Variants in LEPR observed in about 807,000 individuals in gnomAD.
LEPR encodes OB receptor.
A neutral mutation model predicts 114.7 loss-of-function variants in LEPR; 56 were observed. The observed-to-expected ratio is 0.49, with a 90% CI of 0.39 to 0.61. The LOEUF (loss-of-function observed/expected upper bound fraction) is 0.61, where lower values mean the gene tolerates loss of function less well. Among genes scored for constraint, LEPR ranks in the 20% least tolerant of loss-of-function variants. The probability of loss-of-function intolerance (pLI) is 0.00; values close to 1 mark genes in which losing one functional copy is unlikely to be tolerated. For synonymous variants in LEPR, 443 were observed against 461.4 expected (o/e 0.96, Z 0.51); for missense variants, 1,202 against 1,352.9 (o/e 0.89, Z 1.75).
intron 2 of LEPR, among the ~76,000 whole-genome samples, chr1:65,521,316 T>C (rs1649624325): frequency 6.6e-6 from 1 of 152,238 alleles, no homozygotes; most frequent in African/African-American, 2.4e-5. Flanking sequence ...GGTTAAGGCC[T>C]TTTGTCTGAT....
intron 2 of LEPR, among the ~76,000 whole-genome samples, chr1:65,472,115 G>A (rs2100417378): frequency 6.6e-6 from 1 of 152,146 alleles, no homozygotes; most frequent in East Asian, 1.9e-4. Context: ...ATGAAATTTG[G>A]TTCAAAAGAT....
intron 5 of LEPR, among the ~76,000 whole-genome samples, chr1:65,574,200 G>C (rs1347897812): frequency 1.3e-5 from 2 of 152,146 alleles, no homozygotes; most frequent in Non-Finnish European, 2.9e-5. Flanking sequence ...AGTCATTAGA[G>C]ATAAATAAGA....
rs1654234989 is a variant in LEPR, at chr1:65,572,216, G to A, written c.371-110G>A. ...AGAATAGGCAATGGAAGTTGTATCA[G>A]AACACTGGTAAATTTGATTTAGCTC... On this transcript the variant is annotated intron_variant, in intron 4 of 19. Transcript: ENST00000349533. 3 of 1,348,282 alleles carry A rather than the reference G, an allele frequency of 2.2e-6. No homozygotes were observed. In the East Asian group the frequency reaches 7.7e-5, roughly 34 times the overall value. The allele number at this position is 1,348,282 out of a possible 1,614,324, so 83.5% of individuals were successfully genotyped here.
intron 19 of LEPR, among the ~76,000 whole-genome samples, chr1:65,624,983 C>CTGTT (rs1028992278): frequency 1.3e-5 from 2 of 152,174 alleles, no homozygotes; most frequent in African/African-American, 2.4e-5. Context: ...CTCACCTGTG[C>CTGTT]TGTTGCTCAC....
chr1:65,422,075 T>G (rs1646262141), intron 1 of LEPR, among the ~76,000 whole-genome samples: 1 of 152,100 alleles, frequency 6.6e-6, no homozygotes, highest in African/African-American at 2.4e-5. Context: ...AGATGGTGGG[T>G]TGGATTTTGT....
chr1:65,570,872 A>C (rs141781141), intron 4 of LEPR, 70 bp downstream of exon 4: 9 of 1,296,058 alleles, frequency 6.9e-6, no homozygotes, highest in Non-Finnish European at 8.2e-6. Flanking sequence ...TATGAAATAG[A>C]TGTCTTATGG....
intron 2 of LEPR, among the ~76,000 whole-genome samples, chr1:65,466,384 C>T (rs778026416): frequency 1.8e-4 from 28 of 152,240 alleles, no homozygotes; most frequent in East Asian, 7.7e-4. Flanking sequence ...GGGTTTCTGC[C>T]GAGAGATCCG....
chr1:65,509,097 C>T (rs548037297), intron 2 of LEPR, among the ~76,000 whole-genome samples: 1 of 152,166 alleles, frequency 6.6e-6, no homozygotes, highest in East Asian at 1.9e-4. Flanking sequence ...GTTAGGTCTT[C>T]AGGATTTTCC....
Position 65,623,563 on chromosome 1 carries a change from G to A in LEPR, c.2673+582G>A, listed in dbSNP as rs142455807. On this transcript the variant is annotated intron_variant, in intron 19 of 19. Transcript: ENST00000349533. ...TTTTTCAGAAAGCTCTAAATTTAGT[G>A]ACTGTTTTATTAATTCTCATAATGT... is the stretch of plus-strand genomic sequence containing the variant. Among the ~76,000 whole-genome samples, 10 of 152,204 alleles carry A rather than the reference G, an allele frequency of 6.6e-5. No individual in the cohort carries two copies. In the East Asian group the frequency reaches 1.9e-3, roughly 29 times the overall value.
chr1:65,544,997 C>T (rs1445842300), intron 2 of LEPR, among the ~76,000 whole-genome samples: 2 of 150,250 alleles, frequency 1.3e-5, no homozygotes, highest in Non-Finnish European at 1.5e-5. Flanking sequence ...TGATGTTCCC[C>T]TTCCTGTGTC....
At position 65,640,380 on chromosome 1, in the gene LEPR, T is replaced by A. The variant is rs989885604; in HGVS notation, c.*3365T>A. 1.3e-5 allele frequency: 2 copies of A among 152,344 alleles called. No homozygotes were observed. Among genetic ancestry groups the A allele is most frequent in the East Asian group, 3.9e-4 (2 of 5,194 alleles). 9.4% of individuals were successfully genotyped at this position (152,344 alleles called of 1,614,324 possible). The stretch of plus-strand genomic sequence containing the variant: ...TGTTTCACTTTTCATCTTTCAAGGG[T>A]CATCTTGATAGTTACCTTAACAAAC... On this transcript the variant is annotated 3_prime_UTR_variant, in exon 20 of 20. Coordinates refer to ENST00000349533, the MANE Select transcript of LEPR (RefSeq NM_002303.6).
At chr1:65,437,939 C>T (rs1479050420) in intron 2 of LEPR, among the ~76,000 whole-genome samples, 1 of 151,778 alleles carries the variant, frequency 6.6e-6, no homozygotes, top group Non-Finnish European at 1.5e-5. Flanking sequence ...TCCTGAGTAG[C>T]TGGGATTACA....
chr1:65,623,757 G>A (rs964741766), intron 19 of LEPR, among the ~76,000 whole-genome samples: 2 of 152,074 alleles, frequency 1.3e-5, no homozygotes, highest in Admixed American at 1.3e-4. Flanking sequence ...GTTTCCTTTT[G>A]AATACAAGAT....
chr1:65,545,944 T>G (rs1216877610), intron 2 of LEPR, among the ~76,000 whole-genome samples: 3 of 151,044 alleles, frequency 2.0e-5, no homozygotes, highest in African/African-American at 4.9e-5. Context: ...GTTTTAGGTC[T>G]AACGTTTAAG....
chr1:65,583,340 G>A (rs950089162), intron 5 of LEPR, among the ~76,000 whole-genome samples: 1 of 152,194 alleles, frequency 6.6e-6, no homozygotes, highest in Non-Finnish European at 1.5e-5. Context: ...TGGCCACAAT[G>A]TTGGGTAAGA....
Position 65,639,324 on chromosome 1 carries a change from C to T in LEPR, c.*2309C>T, listed in dbSNP as rs1046008174. 1 of 152,132 alleles carries T rather than the reference C, an allele frequency of 6.6e-6. No individual in the cohort carries two copies. The highest frequency in any genetic ancestry group is 2.4e-5 in the African/African-American group (1 of 41,432). The allele number at this position is 152,132 out of a possible 1,614,324, so 9.4% of individuals were successfully genotyped here. A position where few individuals can be genotyped will look rare whatever the true frequency, so the allele number is the denominator to read the frequency against. On this transcript the variant is annotated 3_prime_UTR_variant, in exon 20 of 20. Coordinates refer to ENST00000349533, the MANE Select transcript of LEPR (RefSeq NM_002303.6). Reference sequence around the variant, plus strand: ...ATGCACTTCAGAAATATTGAAATTCCAAGGCACTATTTCATGGACAGTGCT... The same window carrying T: ...ATGCACTTCAGAAATATTGAAATTCTAAGGCACTATTTCATGGACAGTGCT...
At chr1:65,428,726 G>T (rs1274820982) in intron 2 of LEPR, among the ~76,000 whole-genome samples, 1 of 152,000 alleles carries the variant, frequency 6.6e-6, no homozygotes, top group Non-Finnish European at 1.5e-5. Flanking sequence ...AATGAGCAGA[G>T]ACTTTTTTTT....
chr1:65,573,646 C>CTT (rs1654368022), intron 5 of LEPR, among the ~76,000 whole-genome samples: 1 of 152,134 alleles, frequency 6.6e-6, no homozygotes, highest in Non-Finnish European at 1.5e-5. Flanking sequence ...CTTAAAGTCT[C>CTT]GCTTCCTTCA....
chr1:65,530,025 C>T (rs992927143), intron 2 of LEPR, among the ~76,000 whole-genome samples: 1 of 152,192 alleles, frequency 6.6e-6, no homozygotes, highest in African/African-American at 2.4e-5. Context: ...CTTGACTGCT[C>T]CCTCTGGACT....
Sources: allele counts gnomAD v4.1 joint callset (sites outside exome capture counted in the v4.1 genomes callset), GRCh38; gene constraint gnomAD v4.1.1; transcripts MANE v1.5; gene names NCBI Gene and HGNC (gene_info 2026-07-23, HGNC 2026-07-21).